ZBTB7C: variants seen among roughly 807,000 people sequenced by gnomAD.
The protein encoded by ZBTB7C is zinc finger and BTB domain-containing protein 7C.
A neutral mutation model predicts 25.7 loss-of-function variants in ZBTB7C; 8 were observed. The ratio of observed to expected loss-of-function variants is 0.31; its 90% CI spans 0.18 to 0.56. The LOEUF is 0.56. Among genes scored for constraint, ZBTB7C ranks in the 20% least tolerant of loss-of-function variants. The pLI is 0.91. For synonymous variants in ZBTB7C, 394 were observed against 369.0 expected, an observed-to-expected ratio of 1.07 and a Z score of -0.78; for missense variants, 824 against 855.2, an observed-to-expected ratio of 0.96 and a Z score of 0.46.
intron 2 of ZBTB7C, among the ~76,000 whole-genome samples, chr18:48,305,025 G>T (rs1422909252): frequency 6.6e-6 from 1 of 152,050 alleles, no homozygotes; most frequent in East Asian, 1.9e-4. Flanking sequence ...CTCATTGATT[G>T]ATTGATTTTC....
chr18:48,029,640 C>G lies in ZBTB7C; in HGVS notation c.1480G>C (p.Gly494Arg), dbSNP rs559997459. Residue 494 changes from glycine (G) to arginine (R), a missense_variant, in exon 5 of 5, where the codon GGG becomes CGG. Physicochemically the swap from Gly to Arg is moderately radical, Grantham distance 125 (BLOSUM62 -2). Transcript: ENST00000590800. ...TTGTCGGGGGCCGGGCCGCCGGGCC[C>G]GAAGAGCAGGCTGGCGGCCCTCCAC... ...AAWRAASLLF[G>R]PGGPAPDKAA... 54 of 1,530,018 alleles carry G rather than the reference C, an allele frequency of 3.5e-5. 1 individual carries two copies. Among genetic ancestry groups the G allele is most frequent in the South Asian group, 1.1e-4 (9 of 82,806 alleles). 94.8% of individuals were successfully genotyped at this position (1,530,018 alleles called of 1,614,324 possible).
chr18:48,147,956 C>T (rs925228614), intron 3 of ZBTB7C: 2 of 151,932 alleles, frequency 1.3e-5, no homozygotes, highest in African/African-American at 4.8e-5. Context: ...TTATCTTTTT[C>T]TCTCTGCCTA....
intron 3 of ZBTB7C, among the ~76,000 whole-genome samples, chr18:48,119,873 T>C (rs909882417): frequency 3.3e-5 from 5 of 152,162 alleles, no homozygotes; most frequent in African/African-American, 1.2e-4. Flanking sequence ...TGGGGTCAGG[T>C]ACTTCAATAG....
chr18:48,146,608 T>C (rs1170980205), intron 3 of ZBTB7C, among the ~76,000 whole-genome samples: 1 of 152,224 alleles, frequency 6.6e-6, no homozygotes, highest in Non-Finnish European at 1.5e-5. Context: ...TACTTCACAC[T>C]CTAAACGAAA....
At chr18:48,409,466 G>A (rs571924430), upstream of ZBTB7C, 709 of 144,708 alleles carry the variant, frequency 4.9e-3, 3 homozygotes, top group Middle Eastern at 0.011. Context: ...CCCGCCTCCC[G>A]CGCCGCGGCT....
rs141874779 is a variant in ZBTB7C at position 48,227,451 on chromosome 18, T to C, written c.-78-41456A>G. On this transcript the variant is annotated intron_variant, in intron 2 of 4. Transcript: ENST00000590800. ...GTCCTCTAGTCACTAAGGAGAAGGATGTGTCATTGTCTTACTTGGAACGGC... is the reference window on the plus strand; with the variant it reads ...GTCCTCTAGTCACTAAGGAGAAGGACGTGTCATTGTCTTACTTGGAACGGC... Among the ~76,000 whole-genome samples, 301 of 152,334 alleles carry C rather than the reference T, an allele frequency of 2.0e-3. 1 individual carries two copies. The highest frequency in any genetic ancestry group is 7.1e-3 in the African/African-American group (295 of 41,572).
intron 3 of ZBTB7C, among the ~76,000 whole-genome samples, chr18:48,049,787 G>C (rs554440215): frequency 6.6e-6 from 1 of 152,292 alleles, no homozygotes; most frequent in South Asian, 2.1e-4. Context: ...GAATAGAACT[G>C]TTGGTGCAAT....
intron 3 of ZBTB7C, among the ~76,000 whole-genome samples, chr18:48,070,409 G>T (rs2037499498): frequency 6.6e-6 from 1 of 152,216 alleles, no homozygotes; most frequent in Non-Finnish European, 1.5e-5. Context: ...GCCATCTGGA[G>T]AAAAGGATTG....
chr18:48,272,097 T>C (rs997280782), intron 2 of ZBTB7C, among the ~76,000 whole-genome samples: 2 of 152,154 alleles, frequency 1.3e-5, no homozygotes, highest in Non-Finnish European at 2.9e-5. Context: ...CTGGACTGAG[T>C]GATGCCCAGA....
chr18:48,263,703 A>C (rs1353612402), intron 2 of ZBTB7C, among the ~76,000 whole-genome samples: 2 of 152,102 alleles, frequency 1.3e-5, no homozygotes, highest in Non-Finnish European at 2.9e-5. Flanking sequence ...AAAAAAAAAA[A>C]AAAAAACTCA....
At chr18:48,392,036 A>G (rs2047914815) in intron 1 of ZBTB7C, among the ~76,000 whole-genome samples, 2 of 152,164 alleles carry the variant, frequency 1.3e-5, no homozygotes, top group African/African-American at 4.8e-5. Context: ...TCTGGCACTC[A>G]GTGCAAGGGA....
chr18:48,277,915 G>A (rs1370936163), intron 2 of ZBTB7C, among the ~76,000 whole-genome samples: 1 of 152,124 alleles, frequency 6.6e-6, no homozygotes, highest in Non-Finnish European at 1.5e-5. Context: ...ATGCAAGGGG[G>A]AGGAGGGATT....
intron 2 of ZBTB7C, among the ~76,000 whole-genome samples, chr18:48,187,705 C>A (rs1294119837): frequency 6.6e-6 from 1 of 151,242 alleles, no homozygotes; most frequent in Non-Finnish European, 1.5e-5. Context: ...CCTGTAGTAC[C>A]AGCTACTCGG....
intron 2 of ZBTB7C, among the ~76,000 whole-genome samples, chr18:48,219,811 C>T (rs2042908035): frequency 6.6e-6 from 1 of 152,050 alleles, no homozygotes; most frequent in Non-Finnish European, 1.5e-5. Flanking sequence ...CAGGTAGATC[C>T]CTATTTGGGT....
intron 1 of ZBTB7C, among the ~76,000 whole-genome samples, chr18:48,384,507 G>T (rs927770509): frequency 6.6e-6 from 1 of 152,210 alleles, no homozygotes; most frequent in Admixed American, 6.5e-5. Context: ...TGGTTAGAAA[G>T]TTGGGAGAGG....
chr18:48,398,819 G>GT (rs1308864130), intron 1 of ZBTB7C, among the ~76,000 whole-genome samples: 1 of 152,062 alleles, frequency 6.6e-6, no homozygotes, highest in Non-Finnish European at 1.5e-5. Context: ...TACATGATTC[G>GT]TTTTCTAAGA....
chr18:48,186,827 T>C (rs2042067816), intron 2 of ZBTB7C, among the ~76,000 whole-genome samples: 1 of 152,204 alleles, frequency 6.6e-6, no homozygotes, highest in Admixed American at 6.5e-5. Flanking sequence ...GTGATTTTAG[T>C]TGGCTTTTAC....
At chr18:48,128,683 A>C (rs2144759734) in intron 3 of ZBTB7C, among the ~76,000 whole-genome samples, 1 of 152,248 alleles carries the variant, frequency 6.6e-6, no homozygotes, top group East Asian at 1.9e-4. Context: ...AGAGTGGTAT[A>C]ATGGACACTG....
At chr18:48,128,132 T>C (rs2039866269) in intron 3 of ZBTB7C, among the ~76,000 whole-genome samples, 1 of 152,230 alleles carries the variant, frequency 6.6e-6, no homozygotes, top group South Asian at 2.1e-4. Context: ...GCCTCTGGGC[T>C]GTCCAGTTCA....
Sources: allele counts gnomAD v4.1 joint callset (sites outside exome capture counted in the v4.1 genomes callset), GRCh38; gene constraint gnomAD v4.1.1; transcripts MANE v1.5; gene names NCBI Gene and HGNC (gene_info 2026-07-23, HGNC 2026-07-21).